Variants in AK9 observed in about 807,000 individuals in gnomAD.
AK9 encodes adenylate kinase 9.
AK9 carries 191 observed loss-of-function variants against 239.6 expected under a neutral mutation model. The ratio of observed to expected loss-of-function variants is 0.80; its 90% CI spans 0.71 to 0.90. AK9 has a LOEUF of 0.90. Ranked by LOEUF, AK9 falls within the 40% of genes least tolerant of loss-of-function variation. AK9 has a pLI of 0.00. For missense variants in AK9, 1,995 were observed against 2,214.7 expected, an observed-to-expected ratio of 0.90 and a Z score of 1.99; for synonymous variants, 689 against 721.0, an observed-to-expected ratio of 0.96 and a Z score of 0.71.
intron 35 of AK9, among the ~76,000 whole-genome samples, chr6:109,503,000 A>G (rs1444964754): frequency 1.4e-5 from 2 of 145,762 alleles, no homozygotes; most frequent in African/African-American, 5.4e-5. Context: ...TATTATTTTC[A>G]GTTGCTAAGT....
chr6:109,509,474 A>G, intron 32 of AK9, 94 bp from the exon 33 acceptor site: 1 of 1,118,518 alleles, frequency 8.9e-7, no homozygotes, highest in Non-Finnish European at 1.3e-6. Context: ...TGTGATGCTC[A>G]GGTTTGGGCT....
chr6:109,496,297 CCT>C (rs1777029971), intron 38 of AK9, among the ~76,000 whole-genome samples: 3 of 152,186 alleles, frequency 2.0e-5, no homozygotes. Flanking sequence ...CACCAGGCCC[CCT>C]GACTCCTGTG....
rs892359732 is a variant in AK9, at chr6:109,659,504, A to G, written c.445-91T>C. The G allele has an allele frequency of 1.6e-5, 22 of 1,419,210 alleles. No individual in the cohort carries two copies. The East Asian group carries it at 4.4e-4, about 28-fold the overall frequency. 87.9% of individuals were successfully genotyped at this position (1,419,210 alleles called of 1,614,324 possible). A position where few individuals can be genotyped will look rare whatever the true frequency, so the allele number is the denominator to read the frequency against. ...ATTGAATATATTGTACAGTACATAA[A>G]CCAAAAAATTCCTTTAAAACCTGAG... is the stretch of plus-strand genomic sequence containing the variant. On this transcript the variant is annotated intron_variant, in intron 6 of 40. Coordinates refer to ENST00000424296, the MANE Select transcript of AK9 (RefSeq NM_001145128.3).
At chr6:109,515,601 G>C (rs529153391) in intron 31 of AK9, among the ~76,000 whole-genome samples, 5 of 152,212 alleles carry the variant, frequency 3.3e-5, no homozygotes, top group Admixed American at 2.0e-4. Flanking sequence ...TTCATGGATG[G>C]GAGTAAATGC....
At chr6:109,571,566 A>G (rs983015269) in intron 21 of AK9, among the ~76,000 whole-genome samples, 2 of 152,178 alleles carry the variant, frequency 1.3e-5, no homozygotes, top group African/African-American at 4.8e-5. Context: ...TGTCAGATCA[A>G]TGATGATTTC....
chr6:109,499,283 T>C (rs767319006), intron 35 of AK9, 43 bp from the exon 36 acceptor site: 1 of 1,332,826 alleles, frequency 7.5e-7, no homozygotes, highest in South Asian at 2.1e-5. Flanking sequence ...ATATTTTTCA[T>C]AGAGAACGCA....
intron 8 of AK9, among the ~76,000 whole-genome samples, chr6:109,647,998 AT>A (rs1261780876): frequency 1.3e-5 from 2 of 152,180 alleles, no homozygotes; most frequent in African/African-American, 4.8e-5. Context: ...TACTGGGTAC[AT>A]AATGAAATGA....
chr6:109,636,750 TCACACACACACA>T (rs57475668), intron 10 of AK9, among the ~76,000 whole-genome samples: 2 of 135,472 alleles, frequency 1.5e-5, no homozygotes, highest in East Asian at 4.6e-4. Context: ...TAATATTCCA[TCACACACACACA>T]CACACACACA....
intron 10 of AK9, among the ~76,000 whole-genome samples, chr6:109,633,546 T>A (rs1179396639): frequency 6.6e-6 from 1 of 152,186 alleles, no homozygotes; most frequent in Non-Finnish European, 1.5e-5. Flanking sequence ...GGACCCTTGT[T>A]TTACAAAGAA....
At chr6:109,622,381 G>C (rs1794978578) in intron 12 of AK9, among the ~76,000 whole-genome samples, 1 of 141,088 alleles carries the variant, frequency 7.1e-6, no homozygotes, top group Non-Finnish European at 1.5e-5. Context: ...ATATCGTATA[G>C]TATACTATGT....
chr6:109,671,977 A>G lies in AK9; in HGVS notation c.273T>C (p.Asp91=). Residue 91 remains aspartate, a synonymous_variant, in exon 5 of 41, where the codon GAT becomes GAC. Transcript: ENST00000424296. The stretch of plus-strand genomic sequence containing the variant: ...CCAACATTAGCTTTATGACAAGTTC[A>G]TCTGGAATGCTTTGACCGCTGATCA... ...SMLISGQSIP[D]ELVIKLMLEK... is the part of the protein sequence containing the mutation. 6.2e-7 allele frequency: 1 copy of G among 1,614,058 alleles called. No individual in the cohort carries two copies. Among genetic ancestry groups the G allele is most frequent in the Non-Finnish European group, 8.5e-7 (1 of 1,179,960 alleles).
intron 16 of AK9, among the ~76,000 whole-genome samples, chr6:109,611,588 C>T (rs985042737): frequency 2.6e-4 from 39 of 152,230 alleles, no homozygotes; most frequent in Non-Finnish European, 4.4e-4. Context: ...TGTGTGCACT[C>T]GCATGCACAT....
chr6:109,641,096 T>C (rs924697550), intron 10 of AK9, among the ~76,000 whole-genome samples: 5 of 150,246 alleles, frequency 3.3e-5, no homozygotes, highest in African/African-American at 1.2e-4. Context: ...TCCATTTTTA[T>C]AAAAGAATAC....
intron 19 of AK9, among the ~76,000 whole-genome samples, chr6:109,580,200 T>C (rs1044278307): frequency 6.6e-6 from 1 of 152,144 alleles, no homozygotes; most frequent in Non-Finnish European, 1.5e-5. Context: ...ACCCTAATTA[T>C]TTTATTTTTA....
intron 29 of AK9, among the ~76,000 whole-genome samples, chr6:109,519,584 C>G (rs1448196959): frequency 6.6e-6 from 1 of 152,000 alleles, no homozygotes; most frequent in Non-Finnish European, 1.5e-5. Flanking sequence ...TGCTTGAGAC[C>G]AGGAGTTTGA....
At chr6:109,618,945 A>G (rs1055420809) in intron 13 of AK9, 147 bp downstream of exon 13, 3 of 859,160 alleles carry the variant, frequency 3.5e-6, no homozygotes, top group Non-Finnish European at 5.1e-6. Flanking sequence ...TGGTTTATGT[A>G]CATCCATTCT....
Position 109,619,675 on chromosome 6 carries a change from C to T in AK9, c.1255-439G>A, listed in dbSNP as rs553117291. On this transcript the variant is annotated intron_variant, in intron 12 of 40. Coordinates refer to ENST00000424296, the MANE Select transcript of AK9 (RefSeq NM_001145128.3). The stretch of plus-strand genomic sequence containing the variant: ...ATAGAACATTTGCCGGGTGTGGTGG[C>T]TAACATTTGTAATCCCAGTACTTTG... Among the ~76,000 whole-genome samples, 9 of 152,048 alleles carry T rather than the reference C, an allele frequency of 5.9e-5. No individual in the cohort carries two copies. The East Asian group carries it at 1.5e-3, about 26-fold the overall frequency.
At chr6:109,503,874 G>A (rs889681538) in intron 35 of AK9, among the ~76,000 whole-genome samples, 2 of 152,148 alleles carry the variant, frequency 1.3e-5, no homozygotes, top group African/African-American at 2.4e-5. Context: ...GGGTGGAGAG[G>A]ATACAAAGCC....
At chr6:109,657,624 C>T (rs1412511334) in intron 7 of AK9, among the ~76,000 whole-genome samples, 8 of 151,040 alleles carry the variant, frequency 5.3e-5, no homozygotes, top group Admixed American at 2.6e-4. Context: ...TATGTATACA[C>T]GTGCCATGTT....
Sources: gnomAD v4.1 joint callset for allele counts (sites outside exome capture counted in the v4.1 genomes callset) on GRCh38, gnomAD v4.1.1 for gene constraint, MANE v1.5 for transcripts, NCBI Gene and HGNC (gene_info 2026-07-23, HGNC 2026-07-21) for gene names.